The following SV2C variants were observed in gnomAD, a reference collection of about 807,000 sequenced individuals.
The protein encoded by SV2C is solute carrier family 22 member B3.
In SV2C, 49 loss-of-function variants were observed where a neutral mutation model predicts 79.7. The observed-to-expected ratio is 0.61, with a 90% CI of 0.49 to 0.78. SV2C has a LOEUF of 0.78. SV2C is among the 30% of genes least tolerant of loss of function. SV2C has a pLI of 0.00. For synonymous variants in SV2C, 334 were observed against 333.2 expected (o/e 1.00, Z -0.03); for missense variants, 833 against 912.9 (o/e 0.91, Z 1.13).
chr5:75,936,467 G>T, the SV2C span, among the ~76,000 whole-genome samples: 1 of 152,120 alleles, frequency 6.6e-6, no homozygotes, highest in Non-Finnish European at 1.5e-5. Flanking sequence ...AGTATGTAAA[G>T]GTTCATCCAT....
intron 12 of SV2C, among the ~76,000 whole-genome samples, chr5:76,318,366 C>T (rs367971551): frequency 2.6e-5 from 4 of 151,338 alleles, no homozygotes; most frequent in Admixed American, 6.6e-5. Context: ...TGCAGTGAGC[C>T]GAGATCGTGC....
chr5:76,162,492 G>A (rs1444077312), intron 2 of SV2C, among the ~76,000 whole-genome samples: 1 of 152,142 alleles, frequency 6.6e-6, no homozygotes, highest in Non-Finnish European at 1.5e-5. Flanking sequence ...TCAAGAGTTG[G>A]GTTACCGATT....
At chr5:76,289,798 T>C (rs567920682) in intron 6 of SV2C, among the ~76,000 whole-genome samples, 66 of 152,260 alleles carry the variant, frequency 4.3e-4, no homozygotes, top group Non-Finnish European at 8.4e-4. Flanking sequence ...GTTACATCCA[T>C]GGCAGATAGC....
At chr5:76,324,259 C>G (rs1288579447) in intron 12 of SV2C, among the ~76,000 whole-genome samples, 9 of 152,106 alleles carry the variant, frequency 5.9e-5, no homozygotes, top group Admixed American at 5.9e-4. Context: ...CCTGCTCAGC[C>G]TGCCATACAT....
At chr5:75,888,362 A>T in the SV2C span, among the ~76,000 whole-genome samples, 1 of 152,128 alleles carries the variant, frequency 6.6e-6, no homozygotes, top group East Asian at 1.9e-4. Context: ...TTTGAAATAA[A>T]ATCCAAACTC....
the SV2C span, chr5:75,920,711 G>A: frequency 1.3e-6 from 1 of 756,974 alleles, no homozygotes; most frequent in Non-Finnish European, 2.5e-6. Flanking sequence ...TGCCGGTGTG[G>A]AACCACTCAA....
intron 2 of SV2C, among the ~76,000 whole-genome samples, chr5:76,133,167 G>A (rs140293320): frequency 3.9e-5 from 6 of 152,256 alleles, no homozygotes; most frequent in African/African-American, 1.4e-4. Context: ...CCCCTCAGCA[G>A]TTTAAGGATC....
At chr5:76,302,970 CT>C (rs1181726148) in intron 12 of SV2C, among the ~76,000 whole-genome samples, 1 of 152,118 alleles carries the variant, frequency 6.6e-6, no homozygotes, top group Non-Finnish European at 1.5e-5. Context: ...GGCTCATTCC[CT>C]TTTTTTATTG....
chr5:75,984,854 AT>A, the SV2C span, among the ~76,000 whole-genome samples: 1 of 152,044 alleles, frequency 6.6e-6, no homozygotes, highest in Non-Finnish European at 1.5e-5. Context: ...AATTGATTGA[AT>A]CAGGCCCACC....
the SV2C span, among the ~76,000 whole-genome samples, chr5:75,882,847 A>C: frequency 2.0e-5 from 3 of 152,184 alleles, no homozygotes; most frequent in East Asian, 5.8e-4. Context: ...AATGGGATCT[A>C]ATTAAACTAA....
the SV2C span, among the ~76,000 whole-genome samples, chr5:76,032,251 T>C: frequency 6.6e-6 from 1 of 152,180 alleles, no homozygotes; most frequent in African/African-American, 2.4e-5. Context: ...TAAATAATCT[T>C]TTTTTATTAT....
chr5:76,348,215 C>G (rs1749578691), intron 12 of SV2C, among the ~76,000 whole-genome samples: 1 of 152,110 alleles, frequency 6.6e-6, no homozygotes, highest in African/African-American at 2.4e-5. Context: ...TAGTAATATG[C>G]ATATAAGGTT....
At chr5:75,898,957 C>T in the SV2C span, among the ~76,000 whole-genome samples, 671 of 151,446 alleles carry the variant, frequency 4.4e-3, 3 homozygotes, top group African/African-American at 0.016. Flanking sequence ...ATTCTTCTTT[C>T]TTTTTTTCTT....
the SV2C span, among the ~76,000 whole-genome samples, chr5:75,885,403 G>A: frequency 0.15 from 22,725 of 152,012 alleles, 2,466 homozygotes; most frequent in African/African-American, 0.31. Flanking sequence ...ATCTCCCTCT[G>A]GGGCAAAGGA....
At chr5:76,101,000 C>A (rs1747724539) in intron 1 of SV2C, among the ~76,000 whole-genome samples, 1 of 152,190 alleles carries the variant, frequency 6.6e-6, no homozygotes, top group East Asian at 1.9e-4. Flanking sequence ...CGTTTAATAA[C>A]CACTGATTTA....
At chr5:75,894,633 T>C in the SV2C span, among the ~76,000 whole-genome samples, 1 of 152,120 alleles carries the variant, frequency 6.6e-6, no homozygotes, top group African/African-American at 2.4e-5. Flanking sequence ...GCCTGCTTTC[T>C]CCGGGAGGAT....
the SV2C span, among the ~76,000 whole-genome samples, chr5:75,996,970 C>T: frequency 7.0e-6 from 1 of 141,884 alleles, no homozygotes; most frequent in African/African-American, 2.6e-5. Flanking sequence ...ATTGAATACC[C>T]TTTATTTCCT....
the SV2C span, among the ~76,000 whole-genome samples, chr5:76,052,894 A>T: frequency 9.7e-3 from 1,459 of 150,654 alleles, 20 homozygotes; most frequent in African/African-American, 0.034. Context: ...ATAATAATCT[A>T]CTATTATAAT....
At chr5:76,220,617 TAA>T (rs5868813) in intron 4 of SV2C, among the ~76,000 whole-genome samples, 62 of 127,618 alleles carry the variant, frequency 4.9e-4, no homozygotes, top group African/African-American at 7.6e-4. Flanking sequence ...GACACTGTCT[TAA>T]AAAAAAAAAA....
Sources: gnomAD v4.1 joint callset for allele counts (sites outside exome capture counted in the v4.1 genomes callset) on GRCh38, gnomAD v4.1.1 for gene constraint, MANE v1.5 for transcripts, NCBI Gene and HGNC (gene_info 2026-07-23, HGNC 2026-07-21) for gene names.